LAMA2: variants seen among roughly 807,000 people sequenced by gnomAD.
The protein encoded by LAMA2 is laminin subunit alpha 2.
Under a neutral mutation model 364.8 loss-of-function variants are expected in LAMA2, and 269 were observed. The ratio of observed to expected loss-of-function variants is 0.74; its 90% CI spans 0.67 to 0.82. The LOEUF (loss-of-function observed/expected upper bound fraction) is 0.82. Ranked by LOEUF, LAMA2 falls within the 40% of genes least tolerant of loss-of-function variation. The pLI, the probability that LAMA2 is intolerant of heterozygous loss-of-function variation, is 0.00. For missense variants in LAMA2, 3,807 were observed against 3,873.2 expected (o/e 0.98, Z 0.45); for synonymous variants, 1,379 against 1,370.6 (o/e 1.01, Z -0.14).
chr6:129,318,034 T>C (rs886516642), intron 27 of LAMA2, among the ~76,000 whole-genome samples: 6 of 152,154 alleles, frequency 3.9e-5, no homozygotes, highest in African/African-American at 1.4e-4. Context: ...CAGTAAAAAC[T>C]GGGGTCATAG....
At chr6:129,083,080 AC>A (rs1774167012) in intron 3 of LAMA2, among the ~76,000 whole-genome samples, 1 of 111,014 alleles carries the variant, frequency 9.0e-6, no homozygotes, top group African/African-American at 3.4e-5. Context: ...CTCTGCTCAC[AC>A]ACACACACAC....
intron 3 of LAMA2, among the ~76,000 whole-genome samples, chr6:129,080,912 T>C (rs1004549232): frequency 3.3e-5 from 5 of 152,196 alleles, no homozygotes; most frequent in African/African-American, 1.2e-4. Context: ...CAAAGGATTA[T>C]AAATCATGCT....
intron 1 of LAMA2, among the ~76,000 whole-genome samples, chr6:128,911,434 G>A (rs530469305): frequency 4.6e-5 from 7 of 152,256 alleles, no homozygotes; most frequent in African/African-American, 1.7e-4. Flanking sequence ...CTTTGACTAG[G>A]AAAGGGAACT....
chr6:129,166,552 C>T (rs968908481), intron 9 of LAMA2, among the ~76,000 whole-genome samples: 4 of 152,072 alleles, frequency 2.6e-5, no homozygotes, highest in Admixed American at 6.6e-5. Flanking sequence ...AAAACGGATA[C>T]GTTTTGATAG....
At chr6:129,132,456 G>A (rs575710905) in intron 4 of LAMA2, among the ~76,000 whole-genome samples, 21 of 152,110 alleles carry the variant, frequency 1.4e-4, no homozygotes, top group East Asian at 1.9e-4. Flanking sequence ...GTGAGCCACC[G>A]CACCAGCCTC....
At chr6:129,108,732 A>G (rs1281262424) in intron 4 of LAMA2, among the ~76,000 whole-genome samples, 1 of 152,238 alleles carries the variant, frequency 6.6e-6, no homozygotes, top group Non-Finnish European at 1.5e-5. Context: ...ACTTATATGC[A>G]TAATTGTTAA....
At chr6:129,280,253 C>T in intron 18 of LAMA2, 106 bp downstream of exon 18, 1 of 755,464 alleles carries the variant, frequency 1.3e-6, no homozygotes, top group South Asian at 1.4e-5. Flanking sequence ...AAAGGCCACA[C>T]TCAATGAGGT....
At chr6:129,298,252 C>A (rs1476515166) in intron 21 of LAMA2, among the ~76,000 whole-genome samples, 1 of 111,908 alleles carries the variant, frequency 8.9e-6, no homozygotes, top group Admixed American at 9.7e-5. Context: ...TTTCCTATTG[C>A]AAAATTGGTA....
At chr6:129,490,051 A>G (rs1784784415) in intron 56 of LAMA2, among the ~76,000 whole-genome samples, 1 of 152,220 alleles carries the variant, frequency 6.6e-6, no homozygotes, top group African/African-American at 2.4e-5. Flanking sequence ...AAAATGGAAA[A>G]CACACCAGAA....
chr6:129,057,614 G>C lies in LAMA2; in HGVS notation c.284-2170G>C, dbSNP rs951942446. On this transcript the variant is annotated intron_variant, in intron 2 of 64. Transcript: ENST00000421865. The stretch of plus-strand genomic sequence containing the variant: ...AATTATGAATCTGGAAACCACTGCT[G>C]TGAGCGGAATTTTGTTATTCCTAGA... Among the ~76,000 whole-genome samples the C allele has an allele frequency of 2.0e-5, 3 of 152,074 alleles. No individual in the cohort carries two copies. The East Asian group carries it at 5.8e-4, about 29-fold the overall frequency.
rs747714599 is a variant in LAMA2 at position 129,427,823 on chromosome 6, C to T, written c.5937C>T (p.Asn1979=). ...TTCAGAAAAGCTTCAGGATTCTTAA[C>T]GAAGCCAAGAAGTTAGCAAATGATG... ...GCLQKSFRIL[N]EAKKLANDVK... Residue 1979 remains asparagine, a synonymous_variant, in exon 41 of 65, where the codon AAC becomes AAT. Transcript: ENST00000421865. 26 of 1,613,268 alleles carry T rather than the reference C, an allele frequency of 1.6e-5. No individual in the cohort carries two copies. The highest frequency in any genetic ancestry group is 4.0e-5 in the African/African-American group (3 of 74,892).
At chr6:129,464,942 G>A (rs1239599811) in intron 50 of LAMA2, among the ~76,000 whole-genome samples, 2 of 151,860 alleles carry the variant, frequency 1.3e-5, no homozygotes, top group African/African-American at 4.8e-5. Flanking sequence ...AAATTTTGTT[G>A]TGACCATGTG....
At chr6:129,063,186 A>G (rs1365721011) in intron 3 of LAMA2, among the ~76,000 whole-genome samples, 2 of 152,114 alleles carry the variant, frequency 1.3e-5, no homozygotes, top group African/African-American at 2.4e-5. Context: ...TATAGCAACT[A>G]AATTCCATCT....
At chr6:128,885,057 T>A (rs1776068316) in intron 1 of LAMA2, among the ~76,000 whole-genome samples, 1 of 152,176 alleles carries the variant, frequency 6.6e-6, no homozygotes, top group Non-Finnish European at 1.5e-5. Flanking sequence ...GGAGGAAGGG[T>A]TTATACTACC....
intron 8 of LAMA2, chr6:129,157,450 A>C: frequency 5.8e-6 from 9 of 1,539,774 alleles, no homozygotes; most frequent in Non-Finnish European, 9.0e-7. Flanking sequence ...TCCTTATTCC[A>C]CTCTAATTCC....
At chr6:128,971,783 C>T (rs931275182) in intron 1 of LAMA2, among the ~76,000 whole-genome samples, 1 of 152,110 alleles carries the variant, frequency 6.6e-6, no homozygotes, top group East Asian at 1.9e-4. Flanking sequence ...AAGAGGTACC[C>T]CTTAAGGAAC....
chr6:129,037,306 G>C (rs996009425), intron 1 of LAMA2, among the ~76,000 whole-genome samples: 3 of 152,090 alleles, frequency 2.0e-5, no homozygotes, highest in Non-Finnish European at 2.9e-5. Context: ...AGTAAGATGA[G>C]AGAGAGAGGA....
At chr6:128,890,428 G>GA (rs940180523) in intron 1 of LAMA2, among the ~76,000 whole-genome samples, 8 of 149,568 alleles carry the variant, frequency 5.3e-5, no homozygotes, top group African/African-American at 1.5e-4. Flanking sequence ...ATACCCTGAG[G>GA]AAAAAAAAAT....
chr6:129,264,633 C>T (rs144722243), intron 15 of LAMA2, among the ~76,000 whole-genome samples: 222 of 152,032 alleles, frequency 1.5e-3, no homozygotes, highest in African/African-American at 5.0e-3. Flanking sequence ...GAGCTCCTGA[C>T]GTTAAGAAGC....
Sources: allele counts gnomAD v4.1 joint callset (sites outside exome capture counted in the v4.1 genomes callset), GRCh38; gene constraint gnomAD v4.1.1; transcripts MANE v1.5; gene names NCBI Gene and HGNC (gene_info 2026-07-23, HGNC 2026-07-21).